The following WDR25 variants were observed in gnomAD, a reference collection of about 807,000 sequenced individuals.
The protein encoded by WDR25 is WD repeat domain 25.
WDR25 carries 35 observed loss-of-function variants against 47.7 expected under a neutral mutation model. The ratio of observed to expected loss-of-function variants is 0.73; its 90% CI spans 0.56 to 0.97. WDR25 has a LOEUF of 0.97. WDR25 is among the 50% of genes least tolerant of loss of function. WDR25 has a pLI of 0.00. For synonymous variants in WDR25, 248 were observed against 278.9 expected, an observed-to-expected ratio of 0.89 and a Z score of 1.10; for missense variants, 634 against 704.7, an observed-to-expected ratio of 0.90 and a Z score of 1.14.
intron 4 of WDR25, among the ~76,000 whole-genome samples, chr14:100,508,028 A>G (rs1327492752): frequency 6.6e-6 from 1 of 152,192 alleles, no homozygotes; most frequent in Non-Finnish European, 1.5e-5. Context: ...TCCTCAACAA[A>G]ATACTAGTGA....
intron 2 of WDR25, among the ~76,000 whole-genome samples, chr14:100,401,197 G>A (rs1897371831): frequency 6.6e-6 from 1 of 152,164 alleles, no homozygotes; most frequent in East Asian, 1.9e-4. Context: ...TCCTGGGGCG[G>A]GAGAGACCTC....
At chr14:100,521,359 TC>T (rs2029875592) in intron 4 of WDR25, among the ~76,000 whole-genome samples, 1 of 152,242 alleles carries the variant, frequency 6.6e-6, no homozygotes, top group Admixed American at 6.5e-5. Flanking sequence ...CGAGAAATCA[TC>T]CATGTTCCAC....
At chr14:100,519,758 G>GTATATATAGTATATATATAGTA (rs1203912306) in intron 4 of WDR25, among the ~76,000 whole-genome samples, 2 of 130,946 alleles carry the variant, frequency 1.5e-5, no homozygotes, top group Admixed American at 7.8e-5. Context: ...TATATAGTGT[G>GTATATATAGTATATATATAGTA]TATATATAGT....
intron 2 of WDR25, among the ~76,000 whole-genome samples, chr14:100,396,193 G>T (rs1420418415): frequency 6.6e-6 from 1 of 151,864 alleles, no homozygotes; most frequent in Non-Finnish European, 1.5e-5. Context: ...AGCCAGGATG[G>T]TCTCGATCTC....
intron 2 of WDR25, among the ~76,000 whole-genome samples, chr14:100,409,274 G>T (rs925859513): frequency 1.3e-5 from 2 of 152,236 alleles, no homozygotes; most frequent in Non-Finnish European, 2.9e-5. Context: ...CTGGTTAAGC[G>T]TGTCTGGCGC....
At chr14:100,447,402 C>G (rs1248168438) in intron 2 of WDR25, among the ~76,000 whole-genome samples, 1 of 152,218 alleles carries the variant, frequency 6.6e-6, no homozygotes, top group Admixed American at 6.5e-5. Context: ...AGTAGGGGGG[C>G]ACGTGTGCTG....
chr14:100,486,730 A>G (rs1001665887), intron 4 of WDR25, among the ~76,000 whole-genome samples: 2 of 152,230 alleles, frequency 1.3e-5, no homozygotes, highest in Admixed American at 6.5e-5. Flanking sequence ...GTGAACATCC[A>G]GAAGTGAGCA....
At chr14:100,411,910 A>G (rs1897718701) in intron 2 of WDR25, among the ~76,000 whole-genome samples, 1 of 152,244 alleles carries the variant, frequency 6.6e-6, no homozygotes, top group Admixed American at 6.5e-5. Flanking sequence ...AAAGAAATGC[A>G]AAAAGATCTA....
chr14:100,432,159 A>G (rs1340241586), intron 2 of WDR25, among the ~76,000 whole-genome samples: 2 of 152,252 alleles, frequency 1.3e-5, no homozygotes, highest in Non-Finnish European at 2.9e-5. Context: ...TAGGAGCACT[A>G]AGGAGAATTC....
intron 4 of WDR25, among the ~76,000 whole-genome samples, chr14:100,489,493 A>C (rs781074674): frequency 3.3e-5 from 5 of 152,256 alleles, no homozygotes; most frequent in African/African-American, 1.2e-4. Context: ...CTTTTGTAAT[A>C]TGAATCAGAT....
intron 2 of WDR25, among the ~76,000 whole-genome samples, chr14:100,398,570 G>A (rs569840002): frequency 6.6e-6 from 1 of 151,728 alleles, no homozygotes; most frequent in Non-Finnish European, 1.5e-5. Context: ...CAACTTCTTC[G>A]AATGGTAACA....
At chr14:100,454,874 C>A (rs959308932) in intron 2 of WDR25, 3 of 163,050 alleles carry the variant, frequency 1.8e-5, no homozygotes, top group Non-Finnish European at 4.0e-5. Flanking sequence ...CTGCACACCG[C>A]AAGGGAAACA....
chr14:100,519,573 GGAGA>G (rs1430660522), intron 4 of WDR25, among the ~76,000 whole-genome samples: 3 of 150,448 alleles, frequency 2.0e-5, no homozygotes, highest in Non-Finnish European at 4.4e-5. Flanking sequence ...AGAAGGTAGA[GGAGA>G]GACTGACCAT....
chr14:100,517,255 T>G (rs913008910), intron 4 of WDR25, among the ~76,000 whole-genome samples: 4 of 151,814 alleles, frequency 2.6e-5, no homozygotes, highest in Non-Finnish European at 5.9e-5. Context: ...TTTTTTGTAT[T>G]TTTAGTAGAG....
chr14:100,406,531 T>C (rs1897543737), intron 2 of WDR25: 1 of 152,258 alleles, frequency 6.6e-6, no homozygotes, highest in African/African-American at 2.4e-5. Context: ...AATGCCCTTA[T>C]GGCAGCAAGA....
At position 100,429,630 on chromosome 14, in the gene WDR25, C is replaced by A. The variant is rs76251715; in HGVS notation, c.823-38391C>A. 8.6e-3 allele frequency among the ~76,000 whole-genome samples: 1,302 copies of A among 152,280 alleles called. 17 individuals are homozygous for A. Among genetic ancestry groups the A allele is most frequent in the African/African-American group, 0.03 (1,242 of 41,546 alleles). On this transcript the variant is annotated intron_variant, in intron 2 of 6. Transcript: ENST00000402312. ...GACTGCCATAACAAAATACCCTAGA[C>A]TGAGTGGCCCACACAATAGATAGTT...
intron 4 of WDR25, among the ~76,000 whole-genome samples, chr14:100,507,616 C>T (rs1351849618): frequency 1.3e-5 from 2 of 148,258 alleles, no homozygotes; most frequent in Admixed American, 1.3e-4. Context: ...AGAGATCTTT[C>T]ACCTTCTTGG....
In WDR25 at chr14:100,428,953, C is replaced by T. The variant is rs141595099; in HGVS notation, c.823-39068C>T. Among the ~76,000 whole-genome samples, 587 of 152,202 alleles carry T rather than the reference C, an allele frequency of 3.9e-3. 11 individuals carry two copies. The highest frequency in any genetic ancestry group is 0.027 in the Admixed American group (415 of 15,254). ...CTCTGAGTCATCTAATATGGTTTCC[C>T]GAGCGTGTCAGCTTCACTTCACATA... is the stretch of plus-strand genomic sequence containing the variant. On this transcript the variant is annotated intron_variant, in intron 2 of 6. Coordinates refer to ENST00000402312, the MANE Select transcript of WDR25 (RefSeq NM_001161476.3). This position sits in a 1 kb window ranked among gnomAD's most constrained non-coding sequence, Gnocchi z 4.3.
rs35444675 is a variant in WDR25 at position 100,414,903 on chromosome 14, C to CA, written c.822+33171dup. Among the ~76,000 whole-genome samples, 266 of 113,448 alleles carry CA rather than the reference C, an allele frequency of 2.3e-3. 1 individual carries two copies. The highest frequency in any genetic ancestry group is 5.7e-3 in the African/African-American group (193 of 33,824). 74.4% of individuals were successfully genotyped at this position (113,448 alleles called of 152,430 possible). A position where few individuals can be genotyped will look rare whatever the true frequency, so the allele number is the denominator to read the frequency against. On this transcript the variant is annotated intron_variant, in intron 2 of 6. Coordinates refer to ENST00000402312, the MANE Select transcript of WDR25 (RefSeq NM_001161476.3). ...TGGGTGACAGAGCAAGACTCCATCTCAAAAAAAAAAAAAAGAAGAAAAAAA... is the reference window on the plus strand; with the variant it reads ...TGGGTGACAGAGCAAGACTCCATCTCAAAAAAAAAAAAAAAGAAGAAAAAAA...
Sources: gnomAD v4.1 joint callset for allele counts (sites outside exome capture counted in the v4.1 genomes callset) on GRCh38, gnomAD v4.1.1 for gene constraint, Gnocchi (gnomAD v3.1) non-coding constraint, MANE v1.5 for transcripts, NCBI Gene and HGNC (gene_info 2026-07-23, HGNC 2026-07-21) for gene names.